The following DNAH3 variants were observed in gnomAD, a reference collection of about 807,000 sequenced individuals.
DNAH3 encodes dynein axonemal heavy chain 3.
A neutral mutation model predicts 432.5 loss-of-function variants in DNAH3; 332 were observed. That is an observed-to-expected ratio of 0.77 (90% CI 0.70 to 0.84). DNAH3 has a LOEUF of 0.84. Ranked by LOEUF, DNAH3 falls within the 40% of genes least tolerant of loss-of-function variation. DNAH3 has a pLI of 0.00. For synonymous variants in DNAH3, 1,956 were observed against 1,900.2 expected, an observed-to-expected ratio of 1.03 and a Z score of -0.76; for missense variants, 4,861 against 5,114.0, an observed-to-expected ratio of 0.95 and a Z score of 1.51.
intron 10 of DNAH3, among the ~76,000 whole-genome samples, chr16:21,121,587 T>C (rs2092341483): frequency 1.3e-5 from 2 of 151,896 alleles, no homozygotes; most frequent in African/African-American, 4.8e-5. Flanking sequence ...AGTAGGTCTT[T>C]TTTTTTTTTT....
At chr16:21,147,998 C>G (rs1330432550) in intron 1 of DNAH3, among the ~76,000 whole-genome samples, 1 of 152,178 alleles carries the variant, frequency 6.6e-6, no homozygotes, top group Non-Finnish European at 1.5e-5. Flanking sequence ...AATTTTGACT[C>G]TCTGTGATTT....
At chr16:20,970,848 TTTC>T (rs1350495912) in intron 51 of DNAH3, among the ~76,000 whole-genome samples, 1 of 150,990 alleles carries the variant, frequency 6.6e-6, no homozygotes, top group Non-Finnish European at 1.5e-5. Context: ...ATGGATTTCT[TTTC>T]TTTTCTCTAT....
chr16:21,063,487 TTATTTTATTTTATTATTTTA>T (rs1388965275), intron 24 of DNAH3, among the ~76,000 whole-genome samples: 1 of 149,454 alleles, frequency 6.7e-6, no homozygotes, highest in Non-Finnish European at 1.5e-5. Context: ...TTTTTTTATT[TTATTTTATTTTATTATTTTA>T]TATTTTATTT....
At chr16:21,142,132 C>T (rs1358869456) in intron 3 of DNAH3, among the ~76,000 whole-genome samples, 3 of 151,240 alleles carry the variant, frequency 2.0e-5, no homozygotes, top group African/African-American at 4.9e-5. Context: ...TTTGGGAGGC[C>T]GAGACAGGCA....
chr16:21,137,489 C>T (rs894442730), intron 5 of DNAH3, among the ~76,000 whole-genome samples: 7 of 150,258 alleles, frequency 4.7e-5, no homozygotes, highest in Non-Finnish European at 8.9e-5. Flanking sequence ...GTGGCACAAT[C>T]TCAGCTCACT....
chr16:21,001,994 G>T (rs781223880), intron 42 of DNAH3, among the ~76,000 whole-genome samples: 3 of 152,096 alleles, frequency 2.0e-5, no homozygotes, highest in Non-Finnish European at 4.4e-5. Context: ...GCTCTTTTTG[G>T]AGAATTAAAG....
chr16:21,033,528 G>A (rs550969960), intron 36 of DNAH3, among the ~76,000 whole-genome samples: 8 of 152,214 alleles, frequency 5.3e-5, no homozygotes, highest in Non-Finnish European at 1.0e-4. Context: ...TCAAAAGCAG[G>A]AGCTCCTATC....
At chr16:21,134,014 AATTAAGCAGG>A (rs899028327) in intron 7 of DNAH3, 3 of 382,026 alleles carry the variant, frequency 7.9e-6, no homozygotes, top group Non-Finnish European at 1.4e-5. Context: ...AAGTCTGTGC[AATTAAGCAGG>A]ATATTCCAGT....
rs527283536 is a variant in DNAH3, at chr16:20,984,635, C to T, written c.7665+442G>A. 1.2e-4 allele frequency among the ~76,000 whole-genome samples: 18 copies of T among 152,122 alleles called. 1 individual carries two copies. Among genetic ancestry groups the T allele is most frequent in the African/African-American group, 3.1e-4 (13 of 41,492 alleles). On this transcript the variant is annotated intron_variant, in intron 48 of 61. Coordinates refer to ENST00000261383, the Ensembl canonical transcript of DNAH3. Reference sequence around the variant, plus strand: ...CTGTAATCCCAGCACTTCGGGAGGCCGAGGCGGGCAGATCACTTGAAGCCA... The same window carrying T: ...CTGTAATCCCAGCACTTCGGGAGGCTGAGGCGGGCAGATCACTTGAAGCCA...
At chr16:21,073,262 T>A (rs1178781957) in intron 21 of DNAH3, among the ~76,000 whole-genome samples, 2 of 152,220 alleles carry the variant, frequency 1.3e-5, no homozygotes, top group Non-Finnish European at 2.9e-5. Context: ...TGATCCCCAT[T>A]TAGCTACTGA....
At chr16:21,016,063 A>G (rs2087841538) in intron 41 of DNAH3, among the ~76,000 whole-genome samples, 1 of 152,174 alleles carries the variant, frequency 6.6e-6, no homozygotes, top group Non-Finnish European at 1.5e-5. Context: ...TGCTGGGATT[A>G]CAGGTGTGAG....
chr16:21,111,272 T>C (rs558208105), intron 14 of DNAH3, among the ~76,000 whole-genome samples: 1 of 152,280 alleles, frequency 6.6e-6, no homozygotes, highest in South Asian at 2.1e-4. Context: ...GCACTTTGTG[T>C]TTCAAAATAT....
At chr16:21,064,193 T>C (rs2090460409) in intron 24 of DNAH3, among the ~76,000 whole-genome samples, 2 of 152,192 alleles carry the variant, frequency 1.3e-5, no homozygotes, top group Admixed American at 1.3e-4. Flanking sequence ...CTTTCACTCT[T>C]GCTGCTCTTA....
chr16:21,088,153 C>T (rs556939738), intron 18 of DNAH3, among the ~76,000 whole-genome samples: 169 of 152,184 alleles, frequency 1.1e-3, no homozygotes, highest in African/African-American at 3.9e-3. Context: ...TCATTAATTT[C>T]ACATGCTTCA....
chr16:21,144,535 G>C (rs1361706089), intron 3 of DNAH3, among the ~76,000 whole-genome samples: 4 of 152,116 alleles, frequency 2.6e-5, no homozygotes, highest in African/African-American at 4.8e-5. Flanking sequence ...TTGTACGCTA[G>C]TGAGGGGCCC....
chr16:21,089,758 A>G (rs1446857869), intron 18 of DNAH3, among the ~76,000 whole-genome samples: 1 of 152,160 alleles, frequency 6.6e-6, no homozygotes, highest in Non-Finnish European at 1.5e-5. Flanking sequence ...TACCTTAAGT[A>G]ACTAGAAAAA....
chr16:20,953,164 T>C (rs2084392513), intron 55 of DNAH3, among the ~76,000 whole-genome samples: 1 of 121,576 alleles, frequency 8.2e-6, no homozygotes, highest in African/African-American at 2.8e-5. Context: ...TTGTTTGTTG[T>C]TTTTTTTTTT....
intron 1 of DNAH3, among the ~76,000 whole-genome samples, chr16:21,155,523 T>G (rs2092892116): frequency 6.7e-6 from 1 of 150,302 alleles, no homozygotes; most frequent in South Asian, 2.1e-4. Flanking sequence ...TCCGGAGGCT[T>G]TGGCAGGAGA....
At position 20,962,290 on chromosome 16, in the gene DNAH3, G is replaced by T. The variant is rs368104915; in HGVS notation, c.10600+994C>A. Among the ~76,000 whole-genome samples, 7 of 152,278 alleles carry T rather than the reference G, an allele frequency of 4.6e-5. No homozygotes were observed. In the East Asian group the frequency reaches 7.7e-4, roughly 17 times the overall value. ...ATTAAAGTCAGTGGTTCCCATCCCTGGCTGCACACTGGAATTACTGGAAAG... is the reference window on the plus strand; with the variant it reads ...ATTAAAGTCAGTGGTTCCCATCCCTTGCTGCACACTGGAATTACTGGAAAG... On this transcript the variant is annotated intron_variant, in intron 53 of 61. Coordinates refer to ENST00000261383, the Ensembl canonical transcript of DNAH3.
Sources: gnomAD v4.1 joint callset for allele counts (sites outside exome capture counted in the v4.1 genomes callset) on GRCh38, gnomAD v4.1.1 for gene constraint, MANE v1.5 for transcripts, NCBI Gene and HGNC (gene_info 2026-07-23, HGNC 2026-07-21) for gene names.